Variants in ANKRD36B observed in about 807,000 individuals in gnomAD.
ANKRD36B encodes the protein ankyrin repeat domain-containing protein 36B.
In ANKRD36B, 37 loss-of-function variants were observed where a neutral mutation model predicts 135.7. That is an observed-to-expected ratio of 0.27 (90% CI 0.21 to 0.36). The LOEUF (loss-of-function observed/expected upper bound fraction) is 0.36. Among genes scored for constraint, ANKRD36B ranks in the 10% least tolerant of loss-of-function variants. The probability of loss-of-function intolerance (pLI) is 1.00; values close to 1 mark genes in which losing one functional copy is unlikely to be tolerated. For missense variants in ANKRD36B, 549 were observed against 1,037.1 expected, an observed-to-expected ratio of 0.53 and a Z score of 6.46; for synonymous variants, 179 against 348.1, an observed-to-expected ratio of 0.51 and a Z score of 5.41.
intron 3 of ANKRD36B, among the ~76,000 whole-genome samples, chr2:97,581,639 T>C (rs922087680): frequency 9.2e-5 from 14 of 152,252 alleles, no homozygotes; most frequent in African/African-American, 3.4e-4. Flanking sequence ...AATCTATTTG[T>C]ATTCTAGTTT....
chr2:97,562,643 TC>T (rs2081130908), intron 6 of ANKRD36B, among the ~76,000 whole-genome samples: 2 of 152,064 alleles, frequency 1.3e-5, no homozygotes, highest in Admixed American at 6.6e-5. Flanking sequence ...TACATTTTTT[TC>T]GTTCATAAAT....
chr2:97,579,699 T>C (rs1406924073), intron 4 of ANKRD36B, among the ~76,000 whole-genome samples: 1 of 147,232 alleles, frequency 6.8e-6, no homozygotes, highest in Non-Finnish European at 1.5e-5. Flanking sequence ...ATATTATATA[T>C]GATGTTAGTT....
At chr2:97,576,080 G>A (rs557425961) in intron 6 of ANKRD36B, among the ~76,000 whole-genome samples, 17 of 107,402 alleles carry the variant, frequency 1.6e-4, no homozygotes, top group African/African-American at 4.1e-4. Context: ...TCATTATCAT[G>A]TGACTATTAA....
intron 10 of ANKRD36B, among the ~76,000 whole-genome samples, chr2:97,557,597 T>C (rs1300224646): frequency 6.6e-6 from 1 of 151,814 alleles, no homozygotes; most frequent in Non-Finnish European, 1.5e-5. Context: ...AGGTACACAA[T>C]GACAATGACA....
At position 97,525,003 on chromosome 2, in the gene ANKRD36B, T is replaced by C. The variant is rs2078116848; in HGVS notation, c.2266-1536A>G. ...AGAGTACATGTTTTAGAAATAACTC[T>C]ATCTTTAAATAATCAAGTGTAAAAA... On this transcript the variant is annotated intron_variant, in intron 35 of 43. Transcript: ENST00000359901. 3 of 97,750 alleles carry C rather than the reference T, an allele frequency of 3.1e-5. 1 individual carries two copies. The highest frequency in any genetic ancestry group is 9.2e-5 in the African/African-American group (3 of 32,628). 6.1% of individuals were successfully genotyped at this position (97,750 alleles called of 1,614,324 possible).
rs182328818 is a variant in ANKRD36B at position 97,545,702 on chromosome 2, C to T, written c.1645G>A (p.Ala549Thr). 8.8e-4 allele frequency: 846 copies of T among 963,728 alleles called. 214 individuals are homozygous for T. The African/African-American group carries it at 0.013, about 15-fold the overall frequency. 59.7% of individuals were successfully genotyped at this position (963,728 alleles called of 1,614,324 possible). Reference protein sequence around the residue: ...SDKEDSVPNMATETKDEQISG... With the variant: ...SDKEDSVPNMTTETKDEQISG... Reference sequence around the variant, plus strand: ...ATTTGTTCATCCTTTGTTTCTGTGGCCATATTCGGAACAGAATCTTCCTTG... The same window carrying T: ...ATTTGTTCATCCTTTGTTTCTGTGGTCATATTCGGAACAGAATCTTCCTTG... The change falls in exon 24 of 44, where the codon GCC becomes ACC. Residue 549 changes from alanine (A) to threonine (T), a missense_variant. Transcript: ENST00000359901.
chr2:97,557,168 T>C, intron 10 of ANKRD36B, 36 bp from the exon 11 acceptor site: 3 of 1,504,972 alleles, frequency 2.0e-6, no homozygotes, highest in Non-Finnish European at 2.7e-6. Context: ...TCATCATATG[T>C]AAATATGACA....
chr2:97,554,727 T>G (rs72947062), intron 14 of ANKRD36B, among the ~76,000 whole-genome samples: 1,621 of 152,084 alleles, frequency 0.011, 38 homozygotes, highest in African/African-American at 0.036. Context: ...GTAAAATCTA[T>G]ACTTCAACTC....
At chr2:97,587,675 G>C (rs1222145648) in intron 1 of ANKRD36B, among the ~76,000 whole-genome samples, 3 of 152,160 alleles carry the variant, frequency 2.0e-5, no homozygotes, top group Admixed American at 2.0e-4. Context: ...TAACGGAATT[G>C]ATGGGTGAAG....
Position 97,551,306 on chromosome 2 carries a change from C to T in ANKRD36B, c.1358G>A (p.Gly453Glu), listed in dbSNP as rs1231590139. 4 of 1,568,212 alleles carry T rather than the reference C, an allele frequency of 2.6e-6. No homozygotes were observed. Among genetic ancestry groups the T allele is most frequent in the Admixed American group, 3.7e-5 (2 of 54,246 alleles). ...FSNITREKKDGEISRTVSSQK... is the reference protein window; with the variant it reads ...FSNITREKKDEEISRTVSSQK... Reference sequence around the variant, plus strand: ...AAAATTACCTGTCCTAGATATTTCTCCATCCTTTTTTTCTCTGGTTATATT... The same window carrying T: ...AAAATTACCTGTCCTAGATATTTCTTCATCCTTTTTTTCTCTGGTTATATT... The change falls in exon 18 of 44, where the codon GGA becomes GAA. Residue 453 changes from glycine (G) to glutamate (E), a missense_variant. By Grantham distance (98) the Gly-to-Glu change is moderately conservative. Coordinates refer to ENST00000359901, the MANE Select transcript of ANKRD36B (RefSeq NM_001393939.1).
intron 18 of ANKRD36B, among the ~76,000 whole-genome samples, chr2:97,550,817 A>C (rs905107295): frequency 3.3e-5 from 5 of 151,756 alleles, no homozygotes; most frequent in Non-Finnish European, 5.9e-5. Flanking sequence ...CTTTTCCCAC[A>C]TTCCTGCCTC....
Position 97,545,819 on chromosome 2 carries a change from G to T in ANKRD36B, c.1608+14C>A, listed in dbSNP as rs371104744. ...ACAGTTAATAGTTCAAAATACAAAA[G>T]AGAGTTTAATTACCTTCAAGGATGG... On this transcript the variant is annotated intron_variant, in intron 23 of 43. Coordinates refer to ENST00000359901, the MANE Select transcript of ANKRD36B (RefSeq NM_001393939.1). The T allele has an allele frequency of 3.3e-5, 32 of 962,390 alleles. 8 individuals carry two copies. In the African/African-American group the frequency reaches 4.0e-4, roughly 12 times the overall value. The allele number at this position is 962,390 out of a possible 1,614,324, so 59.6% of individuals were successfully genotyped here. A position where few individuals can be genotyped will look rare whatever the true frequency, so the allele number is the denominator to read the frequency against.
chr2:97,547,926 T>C (rs11691967), intron 20 of ANKRD36B, among the ~76,000 whole-genome samples, 195 bp from the exon 21 acceptor site: 2 of 151,500 alleles, frequency 1.3e-5, no homozygotes, highest in Non-Finnish European at 1.5e-5. Context: ...CCATGAAAAA[T>C]ACTCTTATAA....
intron 6 of ANKRD36B, among the ~76,000 whole-genome samples, chr2:97,570,402 G>A (rs1191146464): frequency 6.6e-6 from 1 of 152,148 alleles, no homozygotes; most frequent in Non-Finnish European, 1.5e-5. Context: ...TTGGAAATTT[G>A]CATTTTAAAG....
chr2:97,565,063 C>G (rs2081330110), intron 6 of ANKRD36B, among the ~76,000 whole-genome samples: 2 of 151,558 alleles, frequency 1.3e-5, no homozygotes, highest in South Asian at 4.2e-4. Flanking sequence ...GTTTGTAGTT[C>G]TCCTTAAAGA....
intron 22 of ANKRD36B, among the ~76,000 whole-genome samples, chr2:97,546,538 T>A (rs1439460603): frequency 6.6e-6 from 1 of 151,794 alleles, no homozygotes; most frequent in African/African-American, 2.4e-5. Flanking sequence ...GGATAATATA[T>A]TAGCCTCAAT....
chr2:97,506,783 G>A, intron 43 of ANKRD36B, among the ~76,000 whole-genome samples: 1 of 88,654 alleles, frequency 1.1e-5, no homozygotes. Flanking sequence ...AAAAGTGTAG[G>A]GCCAGAAAAA....
At chr2:97,578,624 T>C (rs2082376913) in intron 5 of ANKRD36B, among the ~76,000 whole-genome samples, 1 of 151,942 alleles carries the variant, frequency 6.6e-6, no homozygotes, top group African/African-American at 2.4e-5. Context: ...TGCATAGGGG[T>C]TATACTGGAA....
In ANKRD36B at chr2:97,514,587, CAT is replaced by C. The variant is rs370298043; in HGVS notation, c.2621+1143_2621+1144del. ...TAGCATTTTCGATGTCTTTATGAAA[CAT>C]ATATCAGCAGATTACTGTAATCCAA... On this transcript the variant is annotated intron_variant, in intron 37 of 43. Transcript: ENST00000359901. Among the ~76,000 whole-genome samples, 18 of 85,610 alleles carry C rather than the reference CAT, an allele frequency of 2.1e-4. 1 individual carries two copies. In the East Asian group the frequency reaches 4.2e-3, roughly 20 times the overall value. The allele number at this position is 85,610 out of a possible 152,430, so 56.2% of individuals were successfully genotyped here. A position where few individuals can be genotyped will look rare whatever the true frequency, so the allele number is the denominator to read the frequency against.
Sources: gnomAD v4.1 joint callset for allele counts (sites outside exome capture counted in the v4.1 genomes callset) on GRCh38, gnomAD v4.1.1 for gene constraint, MANE v1.5 for transcripts, NCBI Gene and HGNC (gene_info 2026-07-23, HGNC 2026-07-21) for gene names.